The following EYS variants were observed in gnomAD, a reference collection of about 807,000 sequenced individuals.
EYS encodes protein eyes shut homolog.
A neutral mutation model predicts 282.1 loss-of-function variants in EYS; 250 were observed. The observed-to-expected ratio is 0.89, with a 90% CI of 0.80 to 0.98. The LOEUF is 0.98. EYS is among the 50% of genes least tolerant of loss of function. The probability of loss-of-function intolerance (pLI) is 0.00; values close to 1 mark genes in which losing one functional copy is unlikely to be tolerated. For synonymous variants in EYS, 1,355 were observed against 1,282.9 expected, an observed-to-expected ratio of 1.06 and a Z score of -1.20; for missense variants, 4,016 against 3,709.0, an observed-to-expected ratio of 1.08 and a Z score of -2.15.
intron 13 of EYS, among the ~76,000 whole-genome samples, chr6:65,038,579 T>A (rs1772838526): frequency 6.6e-6 from 1 of 151,504 alleles, no homozygotes; most frequent in Non-Finnish European, 1.5e-5. Flanking sequence ...TATTTTCATT[T>A]CACTTGTTTA....
At chr6:64,446,522 G>A (rs2150473151) in intron 26 of EYS, among the ~76,000 whole-genome samples, 1 of 151,342 alleles carries the variant, frequency 6.6e-6, no homozygotes, top group East Asian at 1.9e-4. Flanking sequence ...ATATATTTTT[G>A]AAAGTGTAAA....
intron 5 of EYS, among the ~76,000 whole-genome samples, chr6:65,459,942 CGTGT>C (rs371551367): frequency 8.4e-5 from 9 of 106,880 alleles, no homozygotes; most frequent in Admixed American, 4.6e-4. Flanking sequence ...TTTTCTGGTG[CGTGT>C]GTGTGTGTGT....
At chr6:64,041,381 T>A (rs577967554) in intron 33 of EYS, among the ~76,000 whole-genome samples, 2 of 152,246 alleles carry the variant, frequency 1.3e-5, no homozygotes, top group South Asian at 4.1e-4. Context: ...ACGGGAAAAA[T>A]AAATTTTCTG....
At chr6:65,631,416 T>C (rs2149808258) in intron 2 of EYS, among the ~76,000 whole-genome samples, 1 of 151,698 alleles carries the variant, frequency 6.6e-6, no homozygotes, top group African/African-American at 2.4e-5. Flanking sequence ...TTAGCTTTGG[T>C]CCTTGAATGA....
intron 35 of EYS, among the ~76,000 whole-genome samples, chr6:63,875,120 G>A (rs933599364): frequency 3.3e-5 from 5 of 152,124 alleles, no homozygotes; most frequent in Admixed American, 6.5e-5. Context: ...GTCATAAATA[G>A]CTCTTATTAT....
intron 5 of EYS, among the ~76,000 whole-genome samples, chr6:65,417,698 C>T (rs1767294245): frequency 6.6e-6 from 1 of 151,976 alleles, no homozygotes; most frequent in Non-Finnish European, 1.5e-5. Flanking sequence ...CCACACAGTG[C>T]TTTAAGCCCT....
At chr6:65,238,679 T>C (rs915196988) in intron 12 of EYS, among the ~76,000 whole-genome samples, 1 of 152,034 alleles carries the variant, frequency 6.6e-6, no homozygotes, top group African/African-American at 2.4e-5. Context: ...ATGGTTACAT[T>C]CTTGAACTCC....
chr6:65,210,631 A>C (rs1346427470), intron 12 of EYS, among the ~76,000 whole-genome samples: 1 of 152,026 alleles, frequency 6.6e-6, no homozygotes, highest in Non-Finnish European at 1.5e-5. Context: ...AGTACATGGC[A>C]AAGAAAATAA....
intron 37 of EYS, among the ~76,000 whole-genome samples, chr6:63,798,959 A>T (rs1182718427): frequency 1.5e-5 from 2 of 133,238 alleles, no homozygotes; most frequent in East Asian, 4.2e-4. Context: ...ATATATGTAT[A>T]TGTGTATATA....
chr6:65,570,169 G>A (rs1262446241), intron 2 of EYS, among the ~76,000 whole-genome samples: 1 of 151,888 alleles, frequency 6.6e-6, no homozygotes, highest in Non-Finnish European at 1.5e-5. Flanking sequence ...AAAAGTAAAA[G>A]GTATTCAAGG....
chr6:65,660,583 G>GA lies in EYS; in HGVS notation c.-447-20692dup, dbSNP rs1424252495. On this transcript the variant is annotated intron_variant, in intron 1 of 42. Coordinates refer to ENST00000503581, the MANE Select transcript of EYS (RefSeq NM_001142800.2). The stretch of plus-strand genomic sequence containing the variant: ...AATTTCCTGAATTCTACATTTTTGG[G>GA]AAAAAAGATGTTCTTCTATGGTAAG... Among the ~76,000 whole-genome samples the GA allele has an allele frequency of 2.6e-5, 4 of 151,626 alleles. No individual in the cohort carries two copies. The South Asian group carries it at 6.2e-4, about 24-fold the overall frequency.
chr6:64,346,583 A>G (rs1771407660), intron 29 of EYS, among the ~76,000 whole-genome samples: 1 of 151,800 alleles, frequency 6.6e-6, no homozygotes, highest in African/African-American at 2.4e-5. Flanking sequence ...GGATAGCATT[A>G]GGAGATATAC....
At chr6:64,760,799 T>C (rs1045514993) in intron 22 of EYS, among the ~76,000 whole-genome samples, 10 of 152,128 alleles carry the variant, frequency 6.6e-5, no homozygotes, top group African/African-American at 2.4e-4. Context: ...CCATGGATGC[T>C]TCGGTGGGAA....
At chr6:65,648,118 G>A (rs1767519550) in intron 1 of EYS, among the ~76,000 whole-genome samples, 1 of 152,148 alleles carries the variant, frequency 6.6e-6, no homozygotes, top group African/African-American at 2.4e-5. Context: ...AAACAATGTG[G>A]AGATTCCTTA....
chr6:63,945,232 C>T (rs946942921), intron 35 of EYS, among the ~76,000 whole-genome samples: 7 of 152,016 alleles, frequency 4.6e-5, no homozygotes, highest in Non-Finnish European at 1.0e-4. Context: ...GGGAACACAT[C>T]CTTCTCCACA....
chr6:65,637,711 C>T (rs187871595), intron 2 of EYS, among the ~76,000 whole-genome samples: 120 of 152,246 alleles, frequency 7.9e-4, no homozygotes, highest in Admixed American at 2.8e-3. Flanking sequence ...ACTGTTGCAA[C>T]TCTAACAAGT....
chr6:64,947,520 C>T (rs1416287198), intron 14 of EYS, among the ~76,000 whole-genome samples: 1 of 151,752 alleles, frequency 6.6e-6, no homozygotes, highest in Non-Finnish European at 1.5e-5. Context: ...TCAGAATAAT[C>T]TTTAAGGGTA....
At chr6:64,438,111 C>T (rs1343538741) in intron 27 of EYS, among the ~76,000 whole-genome samples, 1 of 151,610 alleles carries the variant, frequency 6.6e-6, no homozygotes, top group Non-Finnish European at 1.5e-5. Context: ...AAAGAGCATG[C>T]ACTTTCAAAT....
intron 19 of EYS, among the ~76,000 whole-genome samples, chr6:64,839,889 T>G (rs1372669769): frequency 6.6e-6 from 1 of 152,046 alleles, no homozygotes; most frequent in African/African-American, 2.4e-5. Context: ...CCTCATGATT[T>G]AATCACTTCC....
Sources: gnomAD v4.1 joint callset for allele counts (sites outside exome capture counted in the v4.1 genomes callset) on GRCh38, gnomAD v4.1.1 for gene constraint, MANE v1.5 for transcripts, NCBI Gene and HGNC (gene_info 2026-07-23, HGNC 2026-07-21) for gene names.